The following USH2A variants were observed in gnomAD, a reference collection of about 807,000 sequenced individuals.
USH2A encodes usherin.
USH2A carries 443 observed loss-of-function variants against 538.9 expected under a neutral mutation model. The observed-to-expected ratio is 0.82, with a 90% CI of 0.76 to 0.89. USH2A has a LOEUF of 0.89. Ranked by LOEUF, USH2A falls within the 40% of genes least tolerant of loss-of-function variation. The probability of loss-of-function intolerance (pLI) is 0.00; values close to 1 mark genes in which losing one functional copy is unlikely to be tolerated. For synonymous variants in USH2A, 2,413 were observed against 2,273.5 expected (o/e 1.06, Z -1.75); for missense variants, 6,633 against 6,324.8 (o/e 1.05, Z -1.65).
intron 9 of USH2A, among the ~76,000 whole-genome samples, chr1:216,302,411 G>A (rs1275348679): frequency 1.3e-5 from 2 of 152,060 alleles, no homozygotes; most frequent in East Asian, 1.9e-4. Context: ...AATTGGAAAA[G>A]CCAAAACAAA....
intron 16 of USH2A, among the ~76,000 whole-genome samples, chr1:216,205,923 T>C (rs1365148698): frequency 6.6e-6 from 1 of 152,174 alleles, no homozygotes; most frequent in African/African-American, 2.4e-5. Context: ...TGAATTCTAA[T>C]AATTTGATTT....
At chr1:215,803,765 C>A (rs1662409128) in intron 49 of USH2A, among the ~76,000 whole-genome samples, 1 of 152,078 alleles carries the variant, frequency 6.6e-6, no homozygotes, top group Non-Finnish European at 1.5e-5. Flanking sequence ...ACTTTCTTCA[C>A]AGAATTGGAA....
chr1:215,988,215 G>A (rs750280990), intron 35 of USH2A, among the ~76,000 whole-genome samples: 3 of 151,756 alleles, frequency 2.0e-5, no homozygotes, highest in African/African-American at 4.8e-5. Context: ...CTTGGTAACC[G>A]TAATTCTAAT....
chr1:215,826,137 A>G (rs1663146632), intron 47 of USH2A, among the ~76,000 whole-genome samples: 1 of 152,204 alleles, frequency 6.6e-6, no homozygotes. Context: ...TAGATGGATG[A>G]GTTTCTCAAG....
rs78649872 is a variant in USH2A at position 216,309,065 on chromosome 1, A to G, written c.1644+12818T>C. Reference sequence around the variant, plus strand: ...AGTTTTAAAAAAATAGCTGTGTATAATGTCCCATCATGCCTAGTCTGTTTC... The same window carrying G: ...AGTTTTAAAAAAATAGCTGTGTATAGTGTCCCATCATGCCTAGTCTGTTTC... On this transcript the variant is annotated intron_variant, in intron 9 of 71. Coordinates refer to ENST00000307340, the MANE Select transcript of USH2A (RefSeq NM_206933.4). 9.4e-3 allele frequency among the ~76,000 whole-genome samples: 1,426 copies of G among 152,320 alleles called. 19 individuals are homozygous for G. Among genetic ancestry groups the G allele is most frequent in the African/African-American group, 0.033 (1,382 of 41,574 alleles).
intron 64 of USH2A, among the ~76,000 whole-genome samples, chr1:215,654,641 T>C (rs564538379): frequency 6.6e-6 from 1 of 152,318 alleles, no homozygotes; most frequent in African/African-American, 2.4e-5. Context: ...AAAGTTACAA[T>C]GTAAAATGTC....
intron 60 of USH2A, among the ~76,000 whole-genome samples, chr1:215,731,188 T>A (rs1659985024): frequency 6.6e-6 from 1 of 152,190 alleles, no homozygotes; most frequent in South Asian, 2.1e-4. Flanking sequence ...TAAATACATA[T>A]ACTATTTAAA....
chr1:216,047,171 T>A (rs1035584828), intron 31 of USH2A, among the ~76,000 whole-genome samples: 2 of 152,176 alleles, frequency 1.3e-5, no homozygotes, highest in Non-Finnish European at 2.9e-5. Context: ...TATCATTTAG[T>A]AAATTCAGAA....
At chr1:215,932,603 T>C (rs1185788995) in intron 38 of USH2A, among the ~76,000 whole-genome samples, 3 of 152,066 alleles carry the variant, frequency 2.0e-5, no homozygotes, top group African/African-American at 7.2e-5. Flanking sequence ...AAAGAAAGTA[T>C]GTCCTAATGG....
At chr1:216,031,453 A>C (rs547873127) in intron 32 of USH2A, among the ~76,000 whole-genome samples, 5 of 152,318 alleles carry the variant, frequency 3.3e-5, no homozygotes, top group African/African-American at 1.2e-4. Context: ...AATACAATAG[A>C]GCTGTTAACA....
At chr1:216,260,054 AT>A (rs1441858242) in intron 11 of USH2A, among the ~76,000 whole-genome samples, 1 of 152,114 alleles carries the variant, frequency 6.6e-6, no homozygotes, top group African/African-American at 2.4e-5. Context: ...GATGAAAACA[AT>A]TACCAATTTT....
chr1:215,969,401 G>C (rs1208925894), intron 36 of USH2A, among the ~76,000 whole-genome samples: 2 of 152,160 alleles, frequency 1.3e-5, no homozygotes, highest in African/African-American at 2.4e-5. Context: ...GATGCAGGTT[G>C]ATAATGCAGG....
chr1:215,836,505 A>ATT (rs1328613075), intron 47 of USH2A, among the ~76,000 whole-genome samples: 2 of 16,806 alleles, frequency 1.2e-4, no homozygotes, highest in African/African-American at 4.4e-4. Flanking sequence ...TATAATATAT[A>ATT]TTATATATAT....
At chr1:216,052,471 A>T (rs1185991874) in intron 30 of USH2A, among the ~76,000 whole-genome samples, 2 of 152,152 alleles carry the variant, frequency 1.3e-5, no homozygotes, top group African/African-American at 2.4e-5. Flanking sequence ...CACTTTCAAA[A>T]AATGTGCTGC....
chr1:216,333,868 C>T (rs1454466482), intron 4 of USH2A, among the ~76,000 whole-genome samples: 1 of 151,970 alleles, frequency 6.6e-6, no homozygotes, highest in African/African-American at 2.4e-5. Flanking sequence ...GCAAAACTCT[C>T]CTTCAAAAAT....
intron 58 of USH2A, among the ~76,000 whole-genome samples, chr1:215,744,643 G>T (rs1195081961): frequency 6.6e-6 from 1 of 152,168 alleles, no homozygotes; most frequent in East Asian, 1.9e-4. Context: ...ATGAAATGTG[G>T]TTTTGCTTTT....
intron 56 of USH2A, among the ~76,000 whole-genome samples, chr1:215,760,966 T>G (rs1169878781): frequency 6.6e-6 from 1 of 152,180 alleles, no homozygotes; most frequent in African/African-American, 2.4e-5. Context: ...CCTTTTGAAT[T>G]TATTCATATA....
chr1:216,168,450 C>T (rs943333202), intron 21 of USH2A, among the ~76,000 whole-genome samples: 3 of 152,128 alleles, frequency 2.0e-5, no homozygotes, highest in African/African-American at 7.2e-5. Context: ...CTAAATAACT[C>T]TATCTTACTT....
At chr1:216,358,587 A>G (rs1446586735) in intron 4 of USH2A, among the ~76,000 whole-genome samples, 1 of 152,132 alleles carries the variant, frequency 6.6e-6, no homozygotes, top group Non-Finnish European at 1.5e-5. Context: ...CTGGCTCATT[A>G]GGCAGAAGTA....
Sources: gnomAD v4.1 joint callset for allele counts (sites outside exome capture counted in the v4.1 genomes callset) on GRCh38, gnomAD v4.1.1 for gene constraint, MANE v1.5 for transcripts, NCBI Gene and HGNC (gene_info 2026-07-23, HGNC 2026-07-21) for gene names.